ELFN2: variants seen among roughly 807,000 people sequenced by gnomAD.
ELFN2 encodes extracellular leucine rich repeat and fibronectin type III domain containing 2.
Under a neutral mutation model 45.5 loss-of-function variants are expected in ELFN2, and 17 were observed. The observed-to-expected ratio is 0.37, with a 90% CI of 0.26 to 0.56. The LOEUF (loss-of-function observed/expected upper bound fraction) is 0.56, where lower values mean the gene tolerates loss of function less well. Among genes scored for constraint, ELFN2 ranks in the 20% least tolerant of loss-of-function variants. The probability of loss-of-function intolerance (pLI) is 0.77; values close to 1 mark genes in which losing one functional copy is unlikely to be tolerated. For missense variants in ELFN2, 922 were observed against 1,183.2 expected, an observed-to-expected ratio of 0.78 and a Z score of 3.24; for synonymous variants, 550 against 551.5, an observed-to-expected ratio of 1.00 and a Z score of 0.04.
downstream of ELFN2, among the ~76,000 whole-genome samples, chr22:37,364,420 A>G (rs1716712644): frequency 6.6e-6 from 1 of 152,226 alleles, no homozygotes; most frequent in Non-Finnish European, 1.5e-5. Flanking sequence ...CCACAGCCCC[A>G]CTGGGACAGC....
At chr22:37,401,035 C>T (rs1932349069) in intron 2 of ELFN2, among the ~76,000 whole-genome samples, 1 of 152,240 alleles carries the variant, frequency 6.6e-6, no homozygotes, top group African/African-American at 2.4e-5. Flanking sequence ...TGGCACTGCC[C>T]TGAGGAAGCC....
intron 1 of ELFN2, among the ~76,000 whole-genome samples, chr22:37,426,344 A>ACGCG (rs1423485103): frequency 1.6e-4 from 22 of 138,612 alleles, no homozygotes; most frequent in African/African-American, 5.6e-4. Flanking sequence ...GTGCATGCAC[A>ACGCG]CGCGCGCGCG....
At chr22:37,396,170 T>C (rs1326582767) in intron 2 of ELFN2, among the ~76,000 whole-genome samples, 1 of 152,374 alleles carries the variant, frequency 6.6e-6, no homozygotes, top group Non-Finnish European at 1.5e-5. Flanking sequence ...GAGACTTTGC[T>C]ATTTAAAGAA....
At chr22:37,358,962 A>T (rs886181723) in intron 1 of ELFN2, among the ~76,000 whole-genome samples, 5 of 152,062 alleles carry the variant, frequency 3.3e-5, no homozygotes, top group Non-Finnish European at 7.4e-5. Flanking sequence ...CTTACATAGG[A>T]AGCAGGAGGA....
rs1179897553 is a variant in ELFN2 at position 37,344,005 on chromosome 22, GC to G, written n.149-1303del. ...CAGCACTGCTCGCCCACCTGCCCAT[GC>G]CCCCCTGCCTATGCCCGCCTGCCCA... On this transcript the variant is annotated intron_variant and non_coding_transcript_variant, in intron 1 of 2. Transcript: ENST00000452946. Among the ~76,000 whole-genome samples the G allele has an allele frequency of 2.2e-3, 331 of 148,486 alleles. 1 individual carries two copies. Among genetic ancestry groups the G allele is most frequent in the African/African-American group, 7.5e-3 (302 of 40,026 alleles).
At chr22:37,354,072 G>T (rs752362146) in intron 1 of ELFN2, 2 of 152,204 alleles carry the variant, frequency 1.3e-5, no homozygotes, top group Non-Finnish European at 2.9e-5. Context: ...CAATGAAAAT[G>T]ATCCAACCGC....
intron 1 of ELFN2, among the ~76,000 whole-genome samples, chr22:37,425,860 C>A (rs531080236): frequency 8.5e-6 from 1 of 118,204 alleles, no homozygotes; most frequent in Admixed American, 8.8e-5. Flanking sequence ...GTCAGCCATG[C>A]ACATACACAT....
chr22:37,346,410 C>T (rs1930697930), intron 1 of ELFN2, among the ~76,000 whole-genome samples: 2 of 152,062 alleles, frequency 1.3e-5, no homozygotes, highest in African/African-American at 4.8e-5. Context: ...CCCTCCCAAC[C>T]CAGGCCCTGG....
At chr22:37,401,616 A>T (rs945859119) in intron 2 of ELFN2, among the ~76,000 whole-genome samples, 2 of 152,210 alleles carry the variant, frequency 1.3e-5, no homozygotes, top group African/African-American at 4.8e-5. Context: ...AATCACTAGA[A>T]ACAGCCCAAA....
intron 2 of ELFN2, among the ~76,000 whole-genome samples, chr22:37,404,030 G>A (rs1169914678): frequency 6.6e-6 from 1 of 152,204 alleles, no homozygotes; most frequent in Non-Finnish European, 1.5e-5. Context: ...TTCTGGTGAG[G>A]GAACCACGTA....
intron 2 of ELFN2, among the ~76,000 whole-genome samples, chr22:37,390,283 ACAGATGAGGAGACT>A (rs1208984515): frequency 6.6e-6 from 1 of 152,224 alleles, no homozygotes; most frequent in African/African-American, 2.4e-5. Flanking sequence ...TGCCCATTCT[ACAGATGAGGAGACT>A]GAGGCTTGGA....
At chr22:37,412,773 C>T (rs1286074997) in intron 2 of ELFN2, among the ~76,000 whole-genome samples, 1 of 152,204 alleles carries the variant, frequency 6.6e-6, no homozygotes, top group Non-Finnish European at 1.5e-5. Context: ...GTCAGGCTTG[C>T]GGAGCTGTCT....
At chr22:37,411,154 G>A (rs916211003) in intron 2 of ELFN2, among the ~76,000 whole-genome samples, 16 of 152,188 alleles carry the variant, frequency 1.1e-4, no homozygotes, top group Admixed American at 7.2e-4. Flanking sequence ...ACACACAGGC[G>A]GGGCAACTTG....
At chr22:37,376,874 A>G (rs1931598221) in intron 2 of ELFN2, among the ~76,000 whole-genome samples, 1 of 152,172 alleles carries the variant, frequency 6.6e-6, no homozygotes, top group South Asian at 2.1e-4. Flanking sequence ...CTCCCCTTCC[A>G]TGGCTGGAGA....
At chr22:37,366,286 T>C (rs997413901), downstream of ELFN2, among the ~76,000 whole-genome samples, 27 of 152,178 alleles carry the variant, frequency 1.8e-4, no homozygotes, top group African/African-American at 6.5e-4. Context: ...TTTGTAACAT[T>C]AGGGAATAAA....
At position 37,388,490 on chromosome 22, in the gene ELFN2, G is replaced by A. The variant is rs117337230; in HGVS notation, c.-462-12494C>T. ...CCGCCCTCATATAGATAAGGAAATC[G>A]AGGCTCCAAGTAATTCATGACTTGC... On this transcript the variant is annotated intron_variant, in intron 2 of 2. Coordinates refer to ENST00000402918, the MANE Select transcript of ELFN2 (RefSeq NM_052906.5). 4.7e-4 allele frequency among the ~76,000 whole-genome samples: 71 copies of A among 152,298 alleles called. 1 individual carries two copies. The East Asian group carries it at 0.013, about 28-fold the overall frequency.
In ELFN2 at chr22:37,373,453, G is replaced by C; in HGVS notation, c.2082C>G (p.Ile694Met). 4.6e-6 allele frequency: 7 copies of C among 1,536,226 alleles called. No homozygotes were observed. The change falls in exon 3 of 3, where the codon ATC (isoleucine) becomes ATG (methionine). Residue 694 changes from isoleucine to methionine, a missense_variant. Physicochemically the swap from Ile to Met is conservative, Grantham distance 10. Transcript: ENST00000402918. ...SGGGSGGGGG[I>M]HHLEVKPAYH... is the part of the protein sequence containing the mutation. ...AGGCCGGCTTCACCTCCAGGTGGTG[G>C]ATGCCCCCGCCCCCGCCGCTGCCCC...
At position 37,411,802 on chromosome 22, in the gene ELFN2, C is replaced by T. The variant is rs558487994; in HGVS notation, c.-463+5967G>A. Among the ~76,000 whole-genome samples the T allele has an allele frequency of 2.6e-5, 4 of 152,260 alleles. No homozygotes were observed. In the South Asian group the frequency reaches 8.3e-4, roughly 32 times the overall value. On this transcript the variant is annotated intron_variant, in intron 2 of 2. Transcript: ENST00000402918. The stretch of plus-strand genomic sequence containing the variant: ...CTCCAATCCTATTTCACTCCATCCC[C>T]TCCAGGAGCCTGGCAGTATCCCCAT...
chr22:37,416,127 C>T (rs532068194), intron 2 of ELFN2, among the ~76,000 whole-genome samples: 13 of 152,312 alleles, frequency 8.5e-5, no homozygotes, highest in African/African-American at 3.1e-4. Context: ...AGAGGTCCTC[C>T]ACCGTAAAAA....
Sources: allele counts gnomAD v4.1 joint callset (sites outside exome capture counted in the v4.1 genomes callset), GRCh38; gene constraint gnomAD v4.1.1; transcripts MANE v1.5; gene names NCBI Gene and HGNC (gene_info 2026-07-23, HGNC 2026-07-21).